The following OPHN1 variants were observed in gnomAD, a reference collection of about 807,000 sequenced individuals.
OPHN1 encodes oligophrenin-1.
OPHN1 carries 11 observed loss-of-function variants against 60.7 expected under a neutral mutation model. The observed-to-expected ratio is 0.18, with a 90% confidence interval of 0.11 to 0.30. OPHN1 has a LOEUF of 0.30. Ranked by LOEUF, OPHN1 falls within the 10% of genes least tolerant of loss-of-function variation. OPHN1 has a pLI of 1.00. For synonymous variants in OPHN1, 226 were observed against 222.6 expected, an observed-to-expected ratio of 1.02 and a Z score of -0.14; for missense variants, 449 against 611.0, an observed-to-expected ratio of 0.73 and a Z score of 2.80.
chrX:68,136,674 T>C (rs1434526054), intron 15 of OPHN1, among the ~76,000 whole-genome samples: 1 of 111,806 alleles, frequency 8.9e-6, no homozygotes, highest in African/African-American at 3.3e-5. Context: ...TGCATTACTT[T>C]CTTCATCTGT....
intron 6 of OPHN1, among the ~76,000 whole-genome samples, chrX:68,220,154 T>TA (rs2077645621): frequency 1.9e-5 from 2 of 105,512 alleles, no homozygotes; most frequent in Non-Finnish European, 3.9e-5. Context: ...TACAAACACC[T>TA]CTACGCAAAT....
At chrX:68,090,510 C>G (rs1414833597) in intron 19 of OPHN1, among the ~76,000 whole-genome samples, 3 of 110,664 alleles carry the variant, frequency 2.7e-5, no homozygotes, top group Non-Finnish European at 5.7e-5. Flanking sequence ...AGAGACAGAC[C>G]AGGACTGGAA....
At chrX:68,324,912 A>G (rs1442085151) in intron 2 of OPHN1, among the ~76,000 whole-genome samples, 1 of 108,293 alleles carries the variant, frequency 9.2e-6, no homozygotes, top group African/African-American at 3.4e-5. Context: ...TTTGATGGGC[A>G]TGGTGGAGTG....
chrX:68,225,225 A>G (rs1044005454), intron 6 of OPHN1, among the ~76,000 whole-genome samples: 4 of 111,825 alleles, frequency 3.6e-5, no homozygotes, highest in Admixed American at 1.9e-4. Flanking sequence ...GCAGCTGGGA[A>G]GCTCGAATTG....
At chrX:68,152,226 C>T (rs952847441) in intron 15 of OPHN1, among the ~76,000 whole-genome samples, 1 of 110,956 alleles carries the variant, frequency 9.0e-6, no homozygotes, top group African/African-American at 3.3e-5. Flanking sequence ...AGCAGGTAGC[C>T]TTACCATACA....
chrX:68,257,398 A>G (rs1025742745), intron 5 of OPHN1, among the ~76,000 whole-genome samples: 1 of 112,525 alleles, frequency 8.9e-6, no homozygotes, highest in East Asian at 2.8e-4. Context: ...GGAATTGGAG[A>G]GACCAGAAAG....
At chrX:68,141,894 T>A in intron 15 of OPHN1, among the ~76,000 whole-genome samples, 1 of 97,151 alleles carries the variant, frequency 1.0e-5, no homozygotes, top group African/African-American at 4.0e-5. Flanking sequence ...GAAAAGATGG[T>A]GATGTTAATT....
At chrX:68,234,627 AG>A in intron 5 of OPHN1, 39 bp from the exon 6 acceptor site, 1 of 971,236 alleles carries the variant, frequency 1.0e-6, no homozygotes, top group South Asian at 1.9e-5. Context: ...AAATGTCTGT[AG>A]TTGTAACTCT....
intron 6 of OPHN1, among the ~76,000 whole-genome samples, chrX:68,223,250 T>C (rs1222878378): frequency 8.9e-6 from 1 of 112,266 alleles, no homozygotes; most frequent in Non-Finnish European, 1.9e-5. Flanking sequence ...ATGTTTATCT[T>C]CACACAATTC....
chrX:68,114,558 C>T (rs781688872), intron 16 of OPHN1, among the ~76,000 whole-genome samples: 1 of 110,936 alleles, frequency 9.0e-6, no homozygotes, highest in African/African-American at 3.3e-5. Context: ...CCCAAGAGTT[C>T]GAGACCAGTC....
chrX:68,349,047 C>A (rs926892421), intron 2 of OPHN1, among the ~76,000 whole-genome samples: 4 of 111,082 alleles, frequency 3.6e-5, no homozygotes, highest in African/African-American at 1.3e-4. Context: ...AGACCTGATG[C>A]TGGATAGATT....
chrX:68,369,183 G>A (rs535303255), intron 2 of OPHN1, among the ~76,000 whole-genome samples: 97 of 109,887 alleles, frequency 8.8e-4, no homozygotes, highest in Middle Eastern at 4.6e-3. Flanking sequence ...ACTCCAGCCT[G>A]GGAAACAGAG....
chrX:68,211,978 G>C (rs919705760), intron 8 of OPHN1, 130 bp downstream of exon 8: 1 of 519,217 alleles, frequency 1.9e-6, no homozygotes, highest in African/African-American at 2.3e-5. Context: ...AAATATTTGT[G>C]ATCCACACCA....
chrX:68,425,977 C>T (rs367676330), intron 2 of OPHN1, among the ~76,000 whole-genome samples: 3 of 109,598 alleles, frequency 2.7e-5, no homozygotes, highest in Non-Finnish European at 5.7e-5. Context: ...ACTACAGGCA[C>T]GCACCACCAT....
chrX:68,268,086 C>T (rs746976016), intron 5 of OPHN1, among the ~76,000 whole-genome samples: 1 of 111,346 alleles, frequency 9.0e-6, no homozygotes, highest in Admixed American at 9.6e-5. Flanking sequence ...GCATTCACAG[C>T]CGAATTCTAC....
intron 15 of OPHN1, among the ~76,000 whole-genome samples, chrX:68,136,020 G>C (rs941704404): frequency 9.0e-6 from 1 of 111,656 alleles, no homozygotes; most frequent in African/African-American, 3.3e-5. Context: ...AAATAAATCT[G>C]AGAGTCATTC....
intron 15 of OPHN1, among the ~76,000 whole-genome samples, chrX:68,177,192 A>G (rs140347174): frequency 0.07 from 7,699 of 110,171 alleles, 230 homozygotes; most frequent in African/African-American, 0.097. Flanking sequence ...AGGAAATAGA[A>G]TGTTGGTTTC....
intron 12 of OPHN1, among the ~76,000 whole-genome samples, chrX:68,195,010 GGA>G (rs1360322100): frequency 0.024 from 1,272 of 52,437 alleles, 57 homozygotes; most frequent in African/African-American, 0.13. Context: ...AAGAAAGGAA[GGA>G]AGGAAGGAAG....
chrX:68,380,345 G>A (rs1450840530), intron 2 of OPHN1, among the ~76,000 whole-genome samples: 17 of 110,621 alleles, frequency 1.5e-4, no homozygotes, highest in African/African-American at 2.3e-4. Context: ...TCTTGCTAGC[G>A]GTCTATCAAT....
Sources: gnomAD v4.1 joint callset for allele counts (sites outside exome capture counted in the v4.1 genomes callset) on GRCh38, gnomAD v4.1.1 for gene constraint, MANE v1.5 for transcripts, NCBI Gene and HGNC (gene_info 2026-07-23, HGNC 2026-07-21) for gene names.